Variants in JAKMIP1 observed in about 807,000 individuals in gnomAD.
The protein encoded by JAKMIP1 is janus kinase and microtubule-interacting protein 1.
In JAKMIP1, 33 loss-of-function variants were observed where a neutral mutation model predicts 113.0. The ratio of observed to expected loss-of-function variants is 0.29; its 90% CI spans 0.22 to 0.39. The LOEUF is 0.39. Among genes scored for constraint, JAKMIP1 ranks in the 10% least tolerant of loss-of-function variants. JAKMIP1 has a pLI of 1.00. For synonymous variants in JAKMIP1, 480 were observed against 459.9 expected (o/e 1.04, Z -0.56); for missense variants, 813 against 1,080.5 (o/e 0.75, Z 3.47).
At position 6,168,668 on chromosome 4, in the gene JAKMIP1, ATTT is replaced by A. The variant is rs935981412; in HGVS notation, c.-148+31582_-148+31584del. ...CACTTTGGGAGGGCGAGGCGGGCAG[ATTT>A]TTTGAGTCCAAGAGTCCAAGACCAG... On this transcript the variant is annotated intron_variant, in intron 1 of 20. Coordinates refer to ENST00000409021, the MANE Select transcript of JAKMIP1 (RefSeq NM_001099433.2). The surrounding 1 kb of genome is among the most constrained non-coding windows in gnomAD (Gnocchi z 4.6). Among the ~76,000 whole-genome samples the A allele has an allele frequency of 6.6e-6, 1 of 152,018 alleles. No individual in the cohort carries two copies. The highest frequency in any genetic ancestry group is 2.4e-5 in the African/African-American group (1 of 41,380).
chr4:6,133,824 T>C (rs1056546057), intron 1 of JAKMIP1, among the ~76,000 whole-genome samples: 3 of 152,164 alleles, frequency 2.0e-5, no homozygotes, highest in Non-Finnish European at 4.4e-5. Flanking sequence ...CTGTGTCACT[T>C]CTGGGCTAAA....
Position 6,084,242 on chromosome 4 carries a change from G to A in JAKMIP1, c.954+604C>T, listed in dbSNP as rs533419818. On this transcript the variant is annotated intron_variant, in intron 5 of 20. Coordinates refer to ENST00000409021, the MANE Select transcript of JAKMIP1 (RefSeq NM_001099433.2). ...TGAGGCAGGAGAATCGCTTGAACCC[G>A]GGAGGTGAAGGTTACGGTGAGCCAA... Among the ~76,000 whole-genome samples, 5 of 151,862 alleles carry A rather than the reference G, an allele frequency of 3.3e-5. No individual in the cohort carries two copies. In the South Asian group the frequency reaches 6.2e-4, roughly 19 times the overall value.
chr4:6,074,011 G>A (rs1050983452), intron 8 of JAKMIP1, among the ~76,000 whole-genome samples: 2 of 152,222 alleles, frequency 1.3e-5, no homozygotes, highest in South Asian at 2.1e-4. Context: ...GGCACAGTCC[G>A]AGGAACCACT....
intron 8 of JAKMIP1, among the ~76,000 whole-genome samples, chr4:6,074,983 CA>C (rs1344874414): frequency 2.6e-5 from 4 of 152,164 alleles, no homozygotes; most frequent in Non-Finnish European, 5.9e-5. Context: ...GTTTGCATGA[CA>C]AAGTCGCCTA....
Position 6,042,368 on chromosome 4 carries a change from A to T in JAKMIP1, c.2029-141T>A. ...GAATGGGTCAGGTCATGGCACACAC[A>T]TGCCTGATCTGTGGATGGCGTGGTT... On this transcript the variant is annotated intron_variant, in intron 16 of 20. Transcript: ENST00000409021. The surrounding 1 kb of genome is among the most constrained non-coding windows in gnomAD (Gnocchi z 5.2). 2 of 683,060 alleles carry T rather than the reference A, an allele frequency of 2.9e-6. No homozygotes were observed. The highest frequency in any genetic ancestry group is 5.2e-6 in the Non-Finnish European group (2 of 382,980). 42.3% of individuals were successfully genotyped at this position (683,060 alleles called of 1,614,324 possible). A position where few individuals can be genotyped will look rare whatever the true frequency, so the allele number is the denominator to read the frequency against.
chr4:6,126,383 A>ACCATGCAGAAACAC, intron 1 of JAKMIP1, among the ~76,000 whole-genome samples: 2 of 148,226 alleles, frequency 1.3e-5, no homozygotes, highest in African/African-American at 2.5e-5. Context: ...ACAAACACAC[A>ACCATGCAGAAACAC]TCATACAGAA....
At position 6,137,066 on chromosome 4, in the gene JAKMIP1, C is replaced by A. The variant is rs976811221; in HGVS notation, c.-147-24069G>T. On this transcript the variant is annotated intron_variant, in intron 1 of 20. Coordinates refer to ENST00000409021, the MANE Select transcript of JAKMIP1 (RefSeq NM_001099433.2). This position sits in a 1 kb window ranked among gnomAD's most constrained non-coding sequence, Gnocchi z 4.5. ...CAGTAATCAAACTCCTACACGGTGTCCCCTCCGATGTGCCCCCACCGAGGG... is the reference window on the plus strand; with the variant it reads ...CAGTAATCAAACTCCTACACGGTGTACCCTCCGATGTGCCCCCACCGAGGG... Among the ~76,000 whole-genome samples the A allele has an allele frequency of 6.6e-6, 1 of 152,080 alleles. No individual in the cohort carries two copies. The highest frequency in any genetic ancestry group is 2.4e-5 in the African/African-American group (1 of 41,416).
chr4:6,107,018 G>T (rs1461596181), intron 2 of JAKMIP1, among the ~76,000 whole-genome samples: 2 of 152,044 alleles, frequency 1.3e-5, no homozygotes, highest in Non-Finnish European at 2.9e-5. Context: ...TAAAACAGCA[G>T]GTAAAAAAGC....
chr4:6,068,994 A>C (rs1718567570), intron 8 of JAKMIP1, among the ~76,000 whole-genome samples: 1 of 152,196 alleles, frequency 6.6e-6, no homozygotes. Flanking sequence ...GTAAGCCTAC[A>C]TGTACTCGAT....
At chr4:6,123,245 C>T (rs1021155405) in intron 1 of JAKMIP1, among the ~76,000 whole-genome samples, 1 of 152,212 alleles carries the variant, frequency 6.6e-6, no homozygotes, top group Admixed American at 6.5e-5. Flanking sequence ...AACCCCTCAC[C>T]CAGAGCCAGT....
chr4:6,161,331 C>T (rs1029436921), intron 1 of JAKMIP1, among the ~76,000 whole-genome samples: 7 of 152,300 alleles, frequency 4.6e-5, no homozygotes, highest in African/African-American at 1.7e-4. Flanking sequence ...CACTCACCTC[C>T]CCTAGCCTCC....
intron 3 of JAKMIP1, among the ~76,000 whole-genome samples, chr4:6,098,700 G>GA (rs773327045): frequency 2.1e-4 from 3 of 14,374 alleles, no homozygotes; most frequent in Non-Finnish European, 5.7e-4. Flanking sequence ...AAGAAAGAAA[G>GA]AAAGAAAGAA....
In JAKMIP1 at chr4:6,088,859, T is replaced by C. The variant is rs1215005805; in HGVS notation, c.625-3230A>G. ...TCCCTCAGCTTCCTTCCCGCATCCA[T>C]TTCCCCTTCTCCCATACGCCCAGTC... is the stretch of plus-strand genomic sequence containing the variant. On this transcript the variant is annotated intron_variant, in intron 3 of 20. Transcript: ENST00000409021. This position sits in a 1 kb window ranked among gnomAD's most constrained non-coding sequence, Gnocchi z 5.5. 1.3e-5 allele frequency among the ~76,000 whole-genome samples: 2 copies of C among 152,130 alleles called. No individual in the cohort carries two copies. The highest frequency in any genetic ancestry group is 2.9e-5 in the Non-Finnish European group (2 of 68,018).
In JAKMIP1 at chr4:6,143,354, T is replaced by C. The variant is rs1467448700; in HGVS notation, c.-147-30357A>G. On this transcript the variant is annotated intron_variant, in intron 1 of 20. Coordinates refer to ENST00000409021, the MANE Select transcript of JAKMIP1 (RefSeq NM_001099433.2). This position sits in a 1 kb window ranked among gnomAD's most constrained non-coding sequence, Gnocchi z 4.9. ...TTCTGGGATCTGGGTGTGGGAAGCC[T>C]CCTTTGCCATCAGCAAGGCCTCGAA... Among the ~76,000 whole-genome samples the C allele has an allele frequency of 6.6e-6, 1 of 152,212 alleles. No homozygotes were observed. The highest frequency in any genetic ancestry group is 2.4e-5 in the African/African-American group (1 of 41,466).
In JAKMIP1 at chr4:6,056,709, G is replaced by A; in HGVS notation, c.1695C>T (p.Asp565=). 1.2e-6 allele frequency: 2 copies of A among 1,613,608 alleles called. No homozygotes were observed. The highest frequency in any genetic ancestry group is 1.7e-6 in the Non-Finnish European group (2 of 1,179,712). Residue 565 remains aspartate, a synonymous_variant, in exon 12 of 21, where the codon GAC becomes GAT. Transcript: ENST00000409021. ...EKQLLIRTNQ[D]LLEKIYRLEM... is the part of the protein sequence containing the mutation. ...TGGGGTCACGCACCTTTTCCAGCAA[G>A]TCTTGGTTTGTTCTGATGAGCAGCT...
intron 3 of JAKMIP1, among the ~76,000 whole-genome samples, chr4:6,104,000 T>G (rs1713503788): frequency 6.6e-6 from 1 of 152,242 alleles, no homozygotes; most frequent in African/African-American, 2.4e-5. Flanking sequence ...CCTTCTACTC[T>G]CTGGAGTTTA....
chr4:6,073,043 A>G (rs1357104777), intron 8 of JAKMIP1, among the ~76,000 whole-genome samples: 1 of 145,654 alleles, frequency 6.9e-6, no homozygotes, highest in Non-Finnish European at 1.5e-5. Context: ...ACGCCACTAC[A>G]CTCCAACCTG....
rs1186327898 is a variant in JAKMIP1, at chr4:6,154,687, C to T, written c.-147-41690G>A. Among the ~76,000 whole-genome samples, 1 of 151,954 alleles carries T rather than the reference C, an allele frequency of 6.6e-6. No homozygotes were observed. Among genetic ancestry groups the T allele is most frequent in the African/African-American group, 2.4e-5 (1 of 41,338 alleles). On this transcript the variant is annotated intron_variant, in intron 1 of 20. Coordinates refer to ENST00000409021, the MANE Select transcript of JAKMIP1 (RefSeq NM_001099433.2). This position sits in a 1 kb window ranked among gnomAD's most constrained non-coding sequence, Gnocchi z 4.2. ...CTGGCAAATGGAATTCTTTTCAATC[C>T]GGCCCGCTGAACCCCTCTTTCAGTT... is the stretch of plus-strand genomic sequence containing the variant.
chr4:6,042,775 G>A lies in JAKMIP1; in HGVS notation c.2029-548C>T, dbSNP rs1714497256. On this transcript the variant is annotated intron_variant, in intron 16 of 20. Coordinates refer to ENST00000409021, the MANE Select transcript of JAKMIP1 (RefSeq NM_001099433.2). This position sits in a 1 kb window ranked among gnomAD's most constrained non-coding sequence, Gnocchi z 5.2. Reference sequence around the variant, plus strand: ...CCCTCCAGCAACGTGAGTTGGAGCAGCCCAGAGTGCCTGGTGCCACCATGA... The same window carrying A: ...CCCTCCAGCAACGTGAGTTGGAGCAACCCAGAGTGCCTGGTGCCACCATGA... Among the ~76,000 whole-genome samples the A allele has an allele frequency of 6.6e-6, 1 of 152,100 alleles. No individual in the cohort carries two copies. The highest frequency in any genetic ancestry group is 2.4e-5 in the African/African-American group (1 of 41,408).
Sources: allele counts gnomAD v4.1 joint callset (sites outside exome capture counted in the v4.1 genomes callset), GRCh38; gene constraint gnomAD v4.1.1; non-coding constraint Gnocchi (gnomAD v3.1); transcripts MANE v1.5; gene names NCBI Gene and HGNC (gene_info 2026-07-23, HGNC 2026-07-21).